The following RHOBTB3 variants were observed in gnomAD, a reference collection of about 807,000 sequenced individuals.
RHOBTB3 encodes the protein rho-related BTB domain-containing protein 3.
In RHOBTB3, 47 loss-of-function variants were observed where a neutral mutation model predicts 67.2. The ratio of observed to expected loss-of-function variants is 0.70; its 90% CI spans 0.55 to 0.89. The LOEUF is 0.89. Ranked by LOEUF, RHOBTB3 falls within the 40% of genes least tolerant of loss-of-function variation. The pLI is 0.00. For synonymous variants in RHOBTB3, 273 were observed against 274.2 expected (o/e 1.00, Z 0.04); for missense variants, 631 against 750.0 (o/e 0.84, Z 1.85).
intron 3 of RHOBTB3, among the ~76,000 whole-genome samples, chr5:95,739,616 TC>T (rs1755544692): frequency 6.6e-6 from 1 of 152,158 alleles, no homozygotes; most frequent in South Asian, 2.1e-4. Flanking sequence ...AGTGGCATGA[TC>T]ATAGCTCACT....
chr5:95,788,912 AT>A, intron 11 of RHOBTB3, 54 bp downstream of exon 11: 2 of 1,098,610 alleles, frequency 1.8e-6, no homozygotes, highest in Non-Finnish European at 2.6e-6. Flanking sequence ...TTGTTCTTAG[AT>A]TTGAGACATA....
chr5:95,784,376 A>T (rs1203594182), intron 10 of RHOBTB3, among the ~76,000 whole-genome samples: 1 of 152,202 alleles, frequency 6.6e-6, no homozygotes, highest in African/African-American at 2.4e-5. Context: ...AAGCTAAACT[A>T]ATTTACTTCT....
intron 6 of RHOBTB3, among the ~76,000 whole-genome samples, chr5:95,758,747 A>G (rs564737592): frequency 6.6e-6 from 1 of 152,252 alleles, no homozygotes; most frequent in Non-Finnish European, 1.5e-5. Flanking sequence ...TCATCTGAGG[A>G]TCTTGTTCCT....
At chr5:95,768,759 A>G (rs974955660) in intron 8 of RHOBTB3, among the ~76,000 whole-genome samples, 1 of 152,208 alleles carries the variant, frequency 6.6e-6, no homozygotes, top group Non-Finnish European at 1.5e-5. Flanking sequence ...AAGACTACCT[A>G]ATTTTAATGA....
intron 11 of RHOBTB3, among the ~76,000 whole-genome samples, chr5:95,791,992 A>G (rs989546068): frequency 4.6e-5 from 7 of 152,188 alleles, no homozygotes; most frequent in Non-Finnish European, 1.5e-5. Flanking sequence ...GCTCTAGTTC[A>G]AATGCCTCTG....
At chr5:95,778,255 T>C (rs1363729258) in intron 8 of RHOBTB3, among the ~76,000 whole-genome samples, 1 of 152,204 alleles carries the variant, frequency 6.6e-6, no homozygotes, top group African/African-American at 2.4e-5. Context: ...CCTATGAGTA[T>C]CCTCCTGCAT....
At chr5:95,784,459 T>C (rs965622110) in intron 10 of RHOBTB3, among the ~76,000 whole-genome samples, 11 of 152,216 alleles carry the variant, frequency 7.2e-5, no homozygotes, top group African/African-American at 2.2e-4. Flanking sequence ...TGTGCCTCAT[T>C]TATCCTTGCA....
At chr5:95,766,066 CAGAATGACTTTAT>C (rs776059121) in intron 7 of RHOBTB3, among the ~76,000 whole-genome samples, 13 of 152,062 alleles carry the variant, frequency 8.5e-5, no homozygotes, top group Non-Finnish European at 1.8e-4. Flanking sequence ...TATAGGATCT[CAGAATGACTTTAT>C]AGGACCAGGA....
chr5:95,770,479 C>A (rs1003083581), intron 8 of RHOBTB3: 2 of 308,620 alleles, frequency 6.5e-6, no homozygotes, highest in Non-Finnish European at 1.3e-5. Context: ...TTGGTAGTTA[C>A]AACAATTGTG....
Position 95,741,815 on chromosome 5 carries a change from C to T in RHOBTB3, c.415+4740C>T, listed in dbSNP as rs141860310. ...GCTTGCAAAATAGTGATGTTTCTATCGTTCTTCCTATACTTATTGGTTGAT... is the reference window on the plus strand; with the variant it reads ...GCTTGCAAAATAGTGATGTTTCTATTGTTCTTCCTATACTTATTGGTTGAT... On this transcript the variant is annotated intron_variant, in intron 3 of 11. Coordinates refer to ENST00000379982, the MANE Select transcript of RHOBTB3 (RefSeq NM_014899.4). Among the ~76,000 whole-genome samples, 447 of 152,192 alleles carry T rather than the reference C, an allele frequency of 2.9e-3. 4 individuals carry two copies. Among genetic ancestry groups the T allele is most frequent in the African/African-American group, 0.01 (427 of 41,520 alleles).
In RHOBTB3 at chr5:95,795,364, GC is replaced by G. The variant is rs752664335; in HGVS notation, c.*2192del. 3 of 152,090 alleles carry G rather than the reference GC, an allele frequency of 2.0e-5. No individual in the cohort carries two copies. Among genetic ancestry groups the G allele is most frequent in the Non-Finnish European group, 4.4e-5 (3 of 68,016 alleles). The allele number at this position is 152,090 out of a possible 1,614,324, so 9.4% of individuals were successfully genotyped here. A position where few individuals can be genotyped will look rare whatever the true frequency, so the allele number is the denominator to read the frequency against. The stretch of plus-strand genomic sequence containing the variant: ...TTAAGACTTCTAAAATGGAATAATA[GC>G]CTTTTGTTTTTCATGAGCATATTCG... On this transcript the variant is annotated 3_prime_UTR_variant, in exon 12 of 12. Transcript: ENST00000379982.
chr5:95,737,135 G>A (rs2112776933), intron 3 of RHOBTB3, 60 bp downstream of exon 3: 1 of 1,157,010 alleles, frequency 8.6e-7, no homozygotes, highest in Non-Finnish European at 1.2e-6. Flanking sequence ...ACTTTAAATA[G>A]TGCTAAGTTT....
At chr5:95,767,608 G>T in intron 7 of RHOBTB3, 1 of 511,606 alleles carries the variant, frequency 2.0e-6, no homozygotes. Flanking sequence ...CGGGATTATA[G>T]GCATGAGCCA....
intron 4 of RHOBTB3, among the ~76,000 whole-genome samples, chr5:95,751,894 C>G (rs1745100603): frequency 6.6e-6 from 1 of 152,200 alleles, no homozygotes; most frequent in Non-Finnish European, 1.5e-5. Flanking sequence ...GCATAGTATT[C>G]CATCGTGTAT....
intron 7 of RHOBTB3, among the ~76,000 whole-genome samples, chr5:95,765,022 A>C (rs1263449127): frequency 5.3e-5 from 8 of 152,214 alleles, no homozygotes; most frequent in Admixed American, 5.2e-4. Context: ...TTTTCAAAAC[A>C]GTTCATCTAG....
At chr5:95,765,687 A>C (rs1052342450) in intron 7 of RHOBTB3, among the ~76,000 whole-genome samples, 2 of 152,196 alleles carry the variant, frequency 1.3e-5, no homozygotes, top group Non-Finnish European at 2.9e-5. Context: ...TTTGAGACGG[A>C]GTCTCGCTCT....
chr5:95,725,580 A>G (rs1177562404), intron 1 of RHOBTB3, among the ~76,000 whole-genome samples: 1 of 152,248 alleles, frequency 6.6e-6, no homozygotes, highest in African/African-American at 2.4e-5. Flanking sequence ...TATTTATTAA[A>G]TCATCTGCAT....
rs1746540631 is a variant in RHOBTB3 at position 95,795,444 on chromosome 5, A to G, written c.*2270A>G. 1 of 152,204 alleles carries G rather than the reference A, an allele frequency of 6.6e-6. No individual in the cohort carries two copies. 9.4% of individuals were successfully genotyped at this position (152,204 alleles called of 1,614,324 possible). On this transcript the variant is annotated 3_prime_UTR_variant, in exon 12 of 12. Transcript: ENST00000379982. ...GTTCAAAATCAGTAACTTTTAATCT[A>G]GGAAATTGAAAAATATTAAGTTGCA...
intron 7 of RHOBTB3, among the ~76,000 whole-genome samples, chr5:95,764,368 C>T (rs1046399140): frequency 6.6e-6 from 1 of 152,116 alleles, no homozygotes; most frequent in Non-Finnish European, 1.5e-5. Context: ...TTCAAGTGTT[C>T]TGAGAAATCT....
Sources: gnomAD v4.1 joint callset for allele counts (sites outside exome capture counted in the v4.1 genomes callset) on GRCh38, gnomAD v4.1.1 for gene constraint, MANE v1.5 for transcripts, NCBI Gene and HGNC (gene_info 2026-07-23, HGNC 2026-07-21) for gene names.